The following SYT1 variants were observed in gnomAD, a reference collection of about 807,000 sequenced individuals.
The protein encoded by SYT1 is synaptotagmin-1.
In SYT1, 8 loss-of-function variants were observed where a neutral mutation model predicts 44.8. That is an observed-to-expected ratio of 0.18 (90% CI 0.10 to 0.32). The LOEUF is 0.32. SYT1 is among the 10% of genes least tolerant of loss of function. The pLI, the probability that SYT1 is intolerant of heterozygous loss-of-function variation, is 1.00. For synonymous variants in SYT1, 154 were observed against 188.8 expected (o/e 0.82, Z 1.51); for missense variants, 286 against 509.3 (o/e 0.56, Z 4.22).
At chr12:79,199,307 T>G (rs1259102475) in intron 3 of SYT1, among the ~76,000 whole-genome samples, 6 of 152,122 alleles carry the variant, frequency 3.9e-5, no homozygotes, top group Non-Finnish European at 7.4e-5. Flanking sequence ...CTGGCTGAAA[T>G]TTTTACTTGT....
At position 78,954,652 on chromosome 12, in the gene SYT1, T is replaced by G. The variant is rs183723662; in HGVS notation, c.-216-23147T>G. On this transcript the variant is annotated intron_variant, in intron 1 of 10. Coordinates refer to ENST00000261205, the MANE Select transcript of SYT1 (RefSeq NM_005639.3). Reference sequence around the variant, plus strand: ...TACCCTACAGATTTGTTTTCAATAATGGTATACTATGATGAATAACTTTAA... The same window carrying G: ...TACCCTACAGATTTGTTTTCAATAAGGGTATACTATGATGAATAACTTTAA... Among the ~76,000 whole-genome samples the G allele has an allele frequency of 2.2e-3, 335 of 152,200 alleles. 1 individual carries two copies. The highest frequency in any genetic ancestry group is 3.4e-3 in the Middle Eastern group (1 of 292).
intron 3 of SYT1, among the ~76,000 whole-genome samples, chr12:79,181,500 T>TTCTC (rs1469488243): frequency 2.6e-5 from 4 of 152,024 alleles, no homozygotes; most frequent in Middle Eastern, 3.2e-3. Context: ...AAATACAATC[T>TTCTC]TCTCTCCCTT....
intron 1 of SYT1, among the ~76,000 whole-genome samples, chr12:78,947,786 G>C (rs1376759386): frequency 6.6e-6 from 1 of 150,662 alleles, no homozygotes; most frequent in Admixed American, 6.6e-5. Context: ...TCTATTCCAG[G>C]AGGGATTGTT....
rs184013476 is a variant in SYT1 at position 79,317,030 on chromosome 12, G to A, written c.810+17479G>A. ...TTGAAATTTAAAAGTTATTTTTCAA[G>A]CATAGGTCTGTCCAATGCCAAATGA... On this transcript the variant is annotated intron_variant, in intron 8 of 10. Transcript: ENST00000261205. Among the ~76,000 whole-genome samples the A allele has an allele frequency of 3.0e-3, 453 of 152,294 alleles. 3 individuals are homozygous for A. The highest frequency in any genetic ancestry group is 0.01 in the African/African-American group (423 of 41,558).
At chr12:79,064,932 GA>G (rs944120025) in intron 3 of SYT1, among the ~76,000 whole-genome samples, 2 of 73,146 alleles carry the variant, frequency 2.7e-5, no homozygotes. Flanking sequence ...TAGAGAGAAA[GA>G]AAGAAAGAAA....
At chr12:79,180,212 G>A (rs1872439307) in intron 3 of SYT1, among the ~76,000 whole-genome samples, 1 of 143,500 alleles carries the variant, frequency 7.0e-6, no homozygotes, top group Admixed American at 7.1e-5. Flanking sequence ...TTATTTCTTT[G>A]AAAATATGAA....
chr12:79,197,006 G>A (rs1873502999), intron 3 of SYT1, among the ~76,000 whole-genome samples: 1 of 152,228 alleles, frequency 6.6e-6, no homozygotes, highest in South Asian at 2.1e-4. Context: ...AATCAGTCAA[G>A]TTGTGTTCAT....
At chr12:78,892,565 T>G (rs1875118229) in intron 1 of SYT1, among the ~76,000 whole-genome samples, 1 of 151,716 alleles carries the variant, frequency 6.6e-6, no homozygotes, top group Non-Finnish European at 1.5e-5. Context: ...CCCGATCAAA[T>G]TTTAAATTTT....
intron 3 of SYT1, among the ~76,000 whole-genome samples, chr12:79,087,615 A>G (rs1172727223): frequency 6.6e-6 from 1 of 152,050 alleles, no homozygotes; most frequent in Non-Finnish European, 1.5e-5. Context: ...AGGTGCATCA[A>G]GCCCAGTGGT....
At chr12:78,878,734 G>GTA (rs1874301385) in intron 1 of SYT1, among the ~76,000 whole-genome samples, 3 of 151,776 alleles carry the variant, frequency 2.0e-5, no homozygotes, top group Admixed American at 6.6e-5. Flanking sequence ...GTAGCAAACA[G>GTA]TACAAAAGCC....
At chr12:79,058,411 T>A (rs916277531) in intron 3 of SYT1, among the ~76,000 whole-genome samples, 7 of 152,110 alleles carry the variant, frequency 4.6e-5, no homozygotes, top group African/African-American at 1.4e-4. Context: ...TAAAGCCAGC[T>A]TTTCACACAG....
At chr12:79,365,958 A>T (rs146824618) in intron 9 of SYT1, among the ~76,000 whole-genome samples, 200 of 152,336 alleles carry the variant, frequency 1.3e-3, no homozygotes, top group African/African-American at 4.5e-3. Context: ...ACAACTTGAA[A>T]AGATATGTGA....
In SYT1 at chr12:79,179,465, A is replaced by C. The variant is rs550376112; in HGVS notation, c.-17-38038A>C. On this transcript the variant is annotated intron_variant, in intron 3 of 10. Coordinates refer to ENST00000261205, the MANE Select transcript of SYT1 (RefSeq NM_005639.3). ...ATATAGATATAGATATAATCTATATAGATATAGATATAGAGATATAGATAT... is the reference window on the plus strand; with the variant it reads ...ATATAGATATAGATATAATCTATATCGATATAGATATAGAGATATAGATAT... Among the ~76,000 whole-genome samples, 5 of 49,384 alleles carry C rather than the reference A, an allele frequency of 1.0e-4. No homozygotes were observed. In the South Asian group the frequency reaches 3.6e-3, roughly 36 times the overall value. 32.4% of individuals were successfully genotyped at this position (49,384 alleles called of 152,430 possible). A position where few individuals can be genotyped will look rare whatever the true frequency, so the allele number is the denominator to read the frequency against.
chr12:79,249,078 T>A (rs1342051406), intron 4 of SYT1, among the ~76,000 whole-genome samples: 1 of 140,886 alleles, frequency 7.1e-6, no homozygotes, highest in Non-Finnish European at 1.5e-5. Flanking sequence ...CCTCTTCTCT[T>A]TACCTCTTTC....
intron 3 of SYT1, among the ~76,000 whole-genome samples, chr12:79,075,348 T>C (rs1181305335): frequency 6.6e-6 from 1 of 152,194 alleles, no homozygotes; most frequent in African/African-American, 2.4e-5. Context: ...TCTCTCTTTT[T>C]TGTGCTAATC....
chr12:79,068,897 C>T (rs924395739), intron 3 of SYT1, among the ~76,000 whole-genome samples: 9 of 152,072 alleles, frequency 5.9e-5, no homozygotes, highest in African/African-American at 2.2e-4. Flanking sequence ...TCCTAATGTC[C>T]TTTTATGATC....
intron 4 of SYT1, among the ~76,000 whole-genome samples, chr12:79,259,873 G>C (rs187802162): frequency 9.2e-5 from 14 of 152,306 alleles, no homozygotes; most frequent in Non-Finnish European, 2.9e-5. Context: ...GCCAGAAAGA[G>C]CAAAACTTGC....
intron 2 of SYT1, among the ~76,000 whole-genome samples, chr12:79,026,702 T>TATATATATATATAAAAAA (rs34140383): frequency 1.4e-4 from 18 of 125,310 alleles, no homozygotes; most frequent in Admixed American, 7.2e-4. Flanking sequence ...TATATATATA[T>TATATATATATATAAAAAA]CACACTTTCA....
chr12:78,902,565 A>G (rs533501844), intron 1 of SYT1, among the ~76,000 whole-genome samples: 3 of 152,226 alleles, frequency 2.0e-5, no homozygotes, highest in Non-Finnish European at 2.9e-5. Context: ...CTCACTTTGA[A>G]CTATAGCAAT....
Sources: allele counts gnomAD v4.1 joint callset (sites outside exome capture counted in the v4.1 genomes callset), GRCh38; gene constraint gnomAD v4.1.1; transcripts MANE v1.5; gene names NCBI Gene and HGNC (gene_info 2026-07-23, HGNC 2026-07-21).